Variants in MAP2 observed in about 807,000 individuals in gnomAD.
The protein encoded by MAP2 is microtubule associated protein 2.
In MAP2, 14 loss-of-function variants were observed where a neutral mutation model predicts 137.6. The observed-to-expected ratio is 0.10, with a 90% CI of 0.07 to 0.16. MAP2 has a LOEUF of 0.16. MAP2 is among the 10% of genes least tolerant of loss of function. The pLI, the probability that MAP2 is intolerant of heterozygous loss-of-function variation, is 1.00. For missense variants in MAP2, 2,088 were observed against 2,191.5 expected (o/e 0.95, Z 0.94); for synonymous variants, 786 against 782.3 (o/e 1.00, Z -0.08).
At chr2:209,450,172 C>T (rs1430367955) in intron 1 of MAP2, among the ~76,000 whole-genome samples, 2 of 152,120 alleles carry the variant, frequency 1.3e-5, no homozygotes, top group Non-Finnish European at 2.9e-5. Context: ...GAACTCCCGA[C>T]CTCAAGTAAT....
At position 209,601,677 on chromosome 2, in the gene MAP2, G is replaced by T. The variant is rs1459115476; in HGVS notation, c.-107+21577G>T. Among the ~76,000 whole-genome samples the T allele has an allele frequency of 5.3e-5, 8 of 151,986 alleles. No individual in the cohort carries two copies. In the East Asian group the frequency reaches 1.3e-3, roughly 26 times the overall value. ...TGAGAGAAATGCTAATTTATTCTGG[G>T]TTTCATCAGTAATGATTCTTGAGTC... On this transcript the variant is annotated intron_variant, in intron 3 of 15. Transcript: ENST00000682079.
At chr2:209,432,189 C>T (rs917109555) in intron 1 of MAP2, among the ~76,000 whole-genome samples, 6 of 152,100 alleles carry the variant, frequency 3.9e-5, no homozygotes, top group African/African-American at 1.4e-4. Context: ...TTTCCTTTTG[C>T]GTTTCTCCCA....
At chr2:209,497,548 C>T (rs1025298963) in intron 1 of MAP2, among the ~76,000 whole-genome samples, 40 of 152,214 alleles carry the variant, frequency 2.6e-4, no homozygotes, top group African/African-American at 9.4e-4. Context: ...CTGGAATTTA[C>T]AAAGAAAAGA....
At chr2:209,627,335 G>T (rs1196548498) in intron 4 of MAP2, among the ~76,000 whole-genome samples, 1 of 152,104 alleles carries the variant, frequency 6.6e-6, no homozygotes, top group Admixed American at 6.6e-5. Context: ...TGAAATAGTA[G>T]ACATAGACTC....
chr2:209,551,136 T>C (rs1401657972), intron 2 of MAP2, among the ~76,000 whole-genome samples: 1 of 152,174 alleles, frequency 6.6e-6, no homozygotes, highest in East Asian at 1.9e-4. Context: ...TACAAAGTTA[T>C]AGGGCTAGGT....
chr2:209,688,698 G>C (rs932635560), intron 7 of MAP2, among the ~76,000 whole-genome samples: 2 of 152,120 alleles, frequency 1.3e-5, no homozygotes, highest in African/African-American at 4.8e-5. Context: ...GTGATGGGCT[G>C]CAATGTGTCT....
chr2:209,627,920 G>A (rs2092563035), intron 4 of MAP2, among the ~76,000 whole-genome samples: 1 of 152,150 alleles, frequency 6.6e-6, no homozygotes, highest in Admixed American at 6.5e-5. Context: ...GATAATAGGA[G>A]TGAAAATGTT....
intron 13 of MAP2, among the ~76,000 whole-genome samples, chr2:209,712,942 A>G (rs1421368791): frequency 6.6e-6 from 1 of 152,202 alleles, no homozygotes; most frequent in Non-Finnish European, 1.5e-5. Context: ...AGGCACTTGA[A>G]TGGGTTGGCC....
chr2:209,521,637 C>T (rs576015291), intron 2 of MAP2, among the ~76,000 whole-genome samples: 17 of 151,956 alleles, frequency 1.1e-4, no homozygotes, highest in Non-Finnish European at 2.1e-4. Context: ...AGTTAAGAGA[C>T]TTTGCAATAT....
At chr2:209,528,893 C>G (rs1488866184) in intron 2 of MAP2, among the ~76,000 whole-genome samples, 1 of 134,980 alleles carries the variant, frequency 7.4e-6, no homozygotes, top group Non-Finnish European at 1.6e-5. Context: ...TGTGTATATA[C>G]ATATATATAC....
chr2:209,440,545 T>C (rs1228434389), intron 1 of MAP2, among the ~76,000 whole-genome samples: 1 of 151,526 alleles, frequency 6.6e-6, no homozygotes, highest in African/African-American at 2.4e-5. Context: ...CTGCTTGTTT[T>C]ATGGTTAATT....
At chr2:209,470,260 G>T (rs1044251854) in intron 1 of MAP2, among the ~76,000 whole-genome samples, 1 of 152,122 alleles carries the variant, frequency 6.6e-6, no homozygotes, top group Non-Finnish European at 1.5e-5. Flanking sequence ...AGCTTGTCAT[G>T]TACATGCACA....
rs780190767 is a variant in MAP2 at position 209,678,655 on chromosome 2, C to T, written c.346C>T (p.His116Tyr). 6.2e-7 allele frequency: 1 copy of T among 1,604,060 alleles called. No individual in the cohort carries two copies. The highest frequency in any genetic ancestry group is 1.1e-5 in the South Asian group (1 of 89,678). The change falls in exon 6 of 16, where the codon CAT becomes TAT. Residue 116 changes from histidine to tyrosine, a missense_variant. This residue lies in a region of MAP2 where 859 missense variants were observed against 794.5 expected (regional missense o/e 1.08). Coordinates refer to ENST00000682079, the MANE Select transcript of MAP2 (RefSeq NM_001375505.1). ...AGGTGAACAAGAGAAAGAAGCTCAA[C>T]ATAAAGACCAGACTGCAGCTCTGCC... is the stretch of plus-strand genomic sequence containing the variant. ...LKGEQEKEAQ[H>Y]KDQTAALPLA... is the part of the protein sequence containing the mutation.
At chr2:209,522,841 A>C (rs922701052) in intron 2 of MAP2, among the ~76,000 whole-genome samples, 2 of 152,192 alleles carry the variant, frequency 1.3e-5, no homozygotes, top group African/African-American at 4.8e-5. Flanking sequence ...GAAAACCCAG[A>C]GCACTGAATC....
intron 3 of MAP2, among the ~76,000 whole-genome samples, chr2:209,619,174 G>GT (rs2090415717): frequency 6.6e-6 from 1 of 152,030 alleles, no homozygotes; most frequent in Admixed American, 6.6e-5. Context: ...CGAAGTTTCT[G>GT]TTTGGTAGGG....
chr2:209,546,067 C>G (rs937839041), intron 2 of MAP2, among the ~76,000 whole-genome samples: 39 of 152,066 alleles, frequency 2.6e-4, no homozygotes, highest in African/African-American at 8.9e-4. Flanking sequence ...GGCGTGAACC[C>G]GGGAGGCAGA....
At chr2:209,663,779 C>G (rs1320651541) in intron 5 of MAP2, among the ~76,000 whole-genome samples, 1 of 152,182 alleles carries the variant, frequency 6.6e-6, no homozygotes, top group African/African-American at 2.4e-5. Context: ...ACCTCTGGTT[C>G]TTGCAAAGCA....
At chr2:209,582,014 T>G (rs550099247) in intron 3 of MAP2, among the ~76,000 whole-genome samples, 1 of 152,164 alleles carries the variant, frequency 6.6e-6, no homozygotes, top group East Asian at 1.9e-4. Context: ...TATATCATGG[T>G]TTTTCTAGTC....
At chr2:209,707,118 A>G (rs572163902) in intron 12 of MAP2, among the ~76,000 whole-genome samples, 3 of 152,312 alleles carry the variant, frequency 2.0e-5, no homozygotes, top group African/African-American at 7.2e-5. Context: ...CGAAAGGAAC[A>G]TCTTGAATTA....
Sources: gnomAD v4.1 joint callset for allele counts (sites outside exome capture counted in the v4.1 genomes callset) on GRCh38, gnomAD v4.1.1 for gene constraint, gnomAD v4.1.1 regional missense constraint, MANE v1.5 for transcripts, NCBI Gene and HGNC (gene_info 2026-07-23, HGNC 2026-07-21) for gene names.